UBE2E2: variants seen among roughly 807,000 people sequenced by gnomAD.
UBE2E2 encodes the protein ubiquitin conjugating enzyme E2 E2, also known as ubiquitin-conjugating enzyme E2 E2.
A neutral mutation model predicts 24.7 loss-of-function variants in UBE2E2; 6 were observed. That is an observed-to-expected ratio of 0.24 (90% CI 0.13 to 0.48). The LOEUF is 0.48. Among genes scored for constraint, UBE2E2 ranks in the 20% least tolerant of loss-of-function variants. The pLI, the probability that UBE2E2 is intolerant of heterozygous loss-of-function variation, is 0.99. For missense variants in UBE2E2, 169 were observed against 245.0 expected (o/e 0.69, Z 2.07); for synonymous variants, 104 against 83.6 (o/e 1.24, Z -1.33).
At chr3:23,310,301 T>TTC (rs1487441848) in intron 3 of UBE2E2, among the ~76,000 whole-genome samples, 1 of 3,856 alleles carries the variant, frequency 2.6e-4, no homozygotes, top group Non-Finnish European at 4.2e-4. Context: ...AAGGCATGCC[T>TTC]TTTTTTTTTT....
chr3:23,574,237 G>T (rs1009904389), intron 5 of UBE2E2, among the ~76,000 whole-genome samples: 1 of 152,278 alleles, frequency 6.6e-6, no homozygotes, highest in East Asian at 1.9e-4. Context: ...AAGGTAGTTG[G>T]TGTCAGAGGG....
intron 3 of UBE2E2, among the ~76,000 whole-genome samples, chr3:23,392,459 A>G (rs866494046): frequency 6.6e-6 from 1 of 152,078 alleles, no homozygotes; most frequent in African/African-American, 2.4e-5. Flanking sequence ...CCTTGGGTGA[A>G]CTGTTGAACC....
chr3:23,398,091 T>C (rs983702850), intron 3 of UBE2E2, among the ~76,000 whole-genome samples: 2 of 152,110 alleles, frequency 1.3e-5, no homozygotes, highest in African/African-American at 4.8e-5. Context: ...GGCTGGTGGA[T>C]CACCTGAGGT....
chr3:23,207,807 T>C (rs539062486), intron 1 of UBE2E2, among the ~76,000 whole-genome samples: 5 of 152,336 alleles, frequency 3.3e-5, no homozygotes, highest in African/African-American at 9.6e-5. Flanking sequence ...TTTGTCTTAT[T>C]TTCTGTAACA....
chr3:23,386,107 T>G (rs1353653469), intron 3 of UBE2E2, among the ~76,000 whole-genome samples: 1 of 152,028 alleles, frequency 6.6e-6, no homozygotes, highest in Admixed American at 6.6e-5. Context: ...GTAGTTGTCT[T>G]TAATAATTGT....
At chr3:23,508,509 T>C (rs888093739) in intron 4 of UBE2E2, among the ~76,000 whole-genome samples, 2 of 152,222 alleles carry the variant, frequency 1.3e-5, no homozygotes, top group African/African-American at 4.8e-5. Context: ...TAGTTTATTA[T>C]TGTCTCCTGA....
intron 5 of UBE2E2, among the ~76,000 whole-genome samples, chr3:23,543,502 C>A (rs1475891416): frequency 6.6e-6 from 1 of 150,454 alleles, no homozygotes; most frequent in African/African-American, 2.5e-5. Context: ...ATATAGTTAA[C>A]CAAGGAGGTG....
chr3:23,277,257 A>G (rs562106916), intron 3 of UBE2E2, among the ~76,000 whole-genome samples: 1 of 152,328 alleles, frequency 6.6e-6, no homozygotes, highest in South Asian at 2.1e-4. Context: ...ACAGTGACAT[A>G]TAAAGCTATT....
At chr3:23,246,910 C>T (rs552545636) in intron 3 of UBE2E2, among the ~76,000 whole-genome samples, 10 of 152,092 alleles carry the variant, frequency 6.6e-5, no homozygotes, top group South Asian at 4.1e-4. Flanking sequence ...AAAATAGAGA[C>T]GGAGTCATGC....
chr3:23,282,394 A>T (rs187022454), intron 3 of UBE2E2, among the ~76,000 whole-genome samples: 1 of 152,178 alleles, frequency 6.6e-6, no homozygotes, highest in African/African-American at 2.4e-5. Flanking sequence ...CTATCTTATT[A>T]TGCATGATTT....
Position 23,481,277 on chromosome 3 carries a change from C to A in UBE2E2, c.228-18331C>A, listed in dbSNP as rs56700795. 6.4e-4 allele frequency among the ~76,000 whole-genome samples: 97 copies of A among 152,318 alleles called. 5 individuals are homozygous for A. The East Asian group carries it at 0.015, about 24-fold the overall frequency. On this transcript the variant is annotated intron_variant, in intron 3 of 5. Coordinates refer to ENST00000396703, the MANE Select transcript of UBE2E2 (RefSeq NM_152653.4). ...TCTATCCTTTCAAATGCTACTCTATCCCGTCCACCTGCATCAAATGAGTAA... is the reference window on the plus strand; with the variant it reads ...TCTATCCTTTCAAATGCTACTCTATACCGTCCACCTGCATCAAATGAGTAA...
chr3:23,233,261 T>C (rs1697017643), intron 3 of UBE2E2, among the ~76,000 whole-genome samples: 1 of 152,178 alleles, frequency 6.6e-6, no homozygotes, highest in African/African-American at 2.4e-5. Context: ...TATCAGTCTT[T>C]TTAGTTTAAG....
chr3:23,232,193 G>T (rs1405558852), intron 3 of UBE2E2, among the ~76,000 whole-genome samples: 1 of 152,164 alleles, frequency 6.6e-6, no homozygotes, highest in South Asian at 2.1e-4. Flanking sequence ...AGCTGCCTAA[G>T]GGCTGCCAGC....
intron 3 of UBE2E2, among the ~76,000 whole-genome samples, chr3:23,412,193 A>T (rs778984794): frequency 1.5e-4 from 23 of 152,164 alleles, no homozygotes; most frequent in Non-Finnish European, 2.9e-4. Flanking sequence ...ATGTATGTAA[A>T]TGTAGACCAT....
At chr3:23,218,943 A>G (rs1696553991) in intron 3 of UBE2E2, among the ~76,000 whole-genome samples, 1 of 152,212 alleles carries the variant, frequency 6.6e-6, no homozygotes, top group African/African-American at 2.4e-5. Flanking sequence ...TTACTAGTTC[A>G]TATGTAAGCT....
intron 3 of UBE2E2, among the ~76,000 whole-genome samples, chr3:23,340,569 C>A (rs4858506): frequency 0.41 from 62,201 of 151,892 alleles, 13,081 homozygotes; most frequent in Admixed American, 0.55. Flanking sequence ...TAAAAAGACA[C>A]GTGAAAACCA....
At chr3:23,486,606 A>G (rs1484834535) in intron 3 of UBE2E2, among the ~76,000 whole-genome samples, 1 of 152,122 alleles carries the variant, frequency 6.6e-6, no homozygotes. Flanking sequence ...TTCTTGTCCC[A>G]CGTCTGGGAA....
chr3:23,552,069 A>G (rs1460522015), intron 5 of UBE2E2, among the ~76,000 whole-genome samples: 3 of 152,194 alleles, frequency 2.0e-5, no homozygotes, highest in African/African-American at 7.2e-5. Flanking sequence ...AAACCACATC[A>G]GCCAGCACCA....
chr3:23,244,062 A>C (rs1036564505), intron 3 of UBE2E2, among the ~76,000 whole-genome samples: 2 of 151,876 alleles, frequency 1.3e-5, no homozygotes, highest in African/African-American at 4.8e-5. Context: ...ATATCAATTA[A>C]GGTGATTTTA....
Sources: gnomAD v4.1 joint callset for allele counts (sites outside exome capture counted in the v4.1 genomes callset) on GRCh38, gnomAD v4.1.1 for gene constraint, MANE v1.5 for transcripts, NCBI Gene and HGNC (gene_info 2026-07-23, HGNC 2026-07-21) for gene names.